SV2B: variants seen among roughly 807,000 people sequenced by gnomAD.
The protein encoded by SV2B is solute carrier family 22 member B2.
SV2B carries 41 observed loss-of-function variants against 73.9 expected under a neutral mutation model. The observed-to-expected ratio is 0.56, with a 90% confidence interval of 0.43 to 0.72. The LOEUF (loss-of-function observed/expected upper bound fraction) is 0.72, where lower values mean the gene tolerates loss of function less well. Ranked by LOEUF, SV2B falls within the 30% of genes least tolerant of loss-of-function variation. The probability of loss-of-function intolerance (pLI) is 0.00; values close to 1 mark genes in which losing one functional copy is unlikely to be tolerated. For synonymous variants in SV2B, 314 were observed against 314.2 expected, an observed-to-expected ratio of 1.00 and a Z score of 0.01; for missense variants, 764 against 857.8, an observed-to-expected ratio of 0.89 and a Z score of 1.37.
chr15:91,259,855 T>C (rs1422510309), intron 5 of SV2B, among the ~76,000 whole-genome samples: 1 of 152,142 alleles, frequency 6.6e-6, no homozygotes, highest in Non-Finnish European at 1.5e-5. Flanking sequence ...GTCGTAATCT[T>C]AATTTAGCTA....
chr15:91,283,418 T>G lies in SV2B; in HGVS notation c.1508-603T>G, dbSNP rs997519829. ...GTCACCTGATTGGTACAAACAGGACTGTTATCCAGCTGGAGAGATGATTTT... is the reference window on the plus strand; with the variant it reads ...GTCACCTGATTGGTACAAACAGGACGGTTATCCAGCTGGAGAGATGATTTT... On this transcript the variant is annotated intron_variant, in intron 10 of 12. Transcript: ENST00000394232. This position sits in a 1 kb window ranked among gnomAD's most constrained non-coding sequence, Gnocchi z 4.3. 6.6e-6 allele frequency among the ~76,000 whole-genome samples: 1 copy of G among 151,784 alleles called. No homozygotes were observed. The highest frequency in any genetic ancestry group is 2.4e-5 in the African/African-American group (1 of 41,220).
chr15:91,230,555 A>G (rs1252301590), intron 2 of SV2B, among the ~76,000 whole-genome samples: 1 of 152,198 alleles, frequency 6.6e-6, no homozygotes, highest in Non-Finnish European at 1.5e-5. Flanking sequence ...ATCTTCATCT[A>G]GAACTGTCTC....
intron 1 of SV2B, among the ~76,000 whole-genome samples, chr15:91,212,775 G>A (rs935183494): frequency 2.3e-4 from 35 of 151,758 alleles, no homozygotes; most frequent in African/African-American, 8.5e-4. Context: ...GAAACACAGT[G>A]AGACCCTGTC....
At position 91,115,889 on chromosome 15, in the gene SV2B, C is replaced by T. The variant is rs758386032; in HGVS notation, c.-392+15526C>T. On this transcript the variant is annotated intron_variant, in intron 1 of 12. Transcript: ENST00000394232. The surrounding 1 kb of genome is among the most constrained non-coding windows in gnomAD (Gnocchi z 4.3). ...CAGAGTTAATGATAGGTAAGGAAAA[C>T]GTGATCTCTGCCCTCAGGGTGTATA... Among the ~76,000 whole-genome samples, 4 of 152,116 alleles carry T rather than the reference C, an allele frequency of 2.6e-5. No homozygotes were observed. Among genetic ancestry groups the T allele is most frequent in the Non-Finnish European group, 4.4e-5 (3 of 68,018 alleles).
chr15:91,297,440 C>A lies in SV2B; in HGVS notation c.*4888C>A, dbSNP rs1467173949. 6.6e-6 allele frequency: 1 copy of A among 152,220 alleles called. No homozygotes were observed. The highest frequency in any genetic ancestry group is 6.5e-5 in the Admixed American group (1 of 15,286). The allele number at this position is 152,220 out of a possible 1,614,324, so 9.4% of individuals were successfully genotyped here. A position where few individuals can be genotyped will look rare whatever the true frequency, so the allele number is the denominator to read the frequency against. On this transcript the variant is annotated 3_prime_UTR_variant, in exon 13 of 13. Transcript: ENST00000394232. The surrounding 1 kb of genome is among the most constrained non-coding windows in gnomAD (Gnocchi z 5.1). ...TGGATTAGTGCTTCTTAAACTTTTG[C>A]GTGCATCAGAATCACCCAGAAAGAT...
chr15:91,275,873 T>G (rs969807280), intron 9 of SV2B, among the ~76,000 whole-genome samples: 11 of 152,208 alleles, frequency 7.2e-5, no homozygotes, highest in African/African-American at 2.7e-4. Flanking sequence ...GATCTTCATT[T>G]CTTTGTGAAC....
rs2141798253 is a variant in SV2B, at chr15:91,288,760, C to T, written c.1709-761C>T. ...TGGCGCCATCTCGGCTCACTGCAACCTCTGCCTCCCAGCTTCAAATAATTC... is the reference window on the plus strand; with the variant it reads ...TGGCGCCATCTCGGCTCACTGCAACTTCTGCCTCCCAGCTTCAAATAATTC... On this transcript the variant is annotated intron_variant, in intron 11 of 12. Coordinates refer to ENST00000394232, the MANE Select transcript of SV2B (RefSeq NM_001323032.3). This position sits in a 1 kb window ranked among gnomAD's most constrained non-coding sequence, Gnocchi z 5.8. Among the ~76,000 whole-genome samples the T allele has an allele frequency of 6.6e-6, 1 of 152,254 alleles. No individual in the cohort carries two copies. Among genetic ancestry groups the T allele is most frequent in the South Asian group, 2.1e-4 (1 of 4,824 alleles).
intron 1 of SV2B, among the ~76,000 whole-genome samples, chr15:91,178,626 T>C (rs1056535899): frequency 6.6e-6 from 1 of 151,926 alleles, no homozygotes; most frequent in Non-Finnish European, 1.5e-5. Flanking sequence ...CTTGGGAGAG[T>C]GTGTGTGTCG....
At chr15:91,180,075 T>G (rs538371677) in intron 1 of SV2B, among the ~76,000 whole-genome samples, 1 of 152,154 alleles carries the variant, frequency 6.6e-6, no homozygotes, top group Non-Finnish European at 1.5e-5. Flanking sequence ...GGAGCTCTTT[T>G]AGGGCAGGCC....
At chr15:91,233,995 C>A (rs6496776) in intron 2 of SV2B, among the ~76,000 whole-genome samples, 56,998 of 152,086 alleles carry the variant, frequency 0.37, 14,751 homozygotes, top group African/African-American at 0.74. Context: ...GGTCAGGCTA[C>A]ATTTATTGAT....
intron 9 of SV2B, among the ~76,000 whole-genome samples, chr15:91,269,548 G>T (rs6496781): frequency 6.6e-6 from 1 of 151,644 alleles, no homozygotes; most frequent in Non-Finnish European, 1.5e-5. Context: ...GGTGAATGTT[G>T]TATCTCCCTC....
rs1464898024 is a variant in SV2B, at chr15:91,265,842, G to T, written c.1009-740G>T. On this transcript the variant is annotated intron_variant, in intron 6 of 12. Coordinates refer to ENST00000394232, the MANE Select transcript of SV2B (RefSeq NM_001323032.3). This position sits in a 1 kb window ranked among gnomAD's most constrained non-coding sequence, Gnocchi z 4.2. ...AGCAGATTCTCAAATTCTCCCAAAA[G>T]CTTAAGAACCACTGTTTTGGCTGGG... 6.6e-6 allele frequency among the ~76,000 whole-genome samples: 1 copy of T among 152,192 alleles called. No homozygotes were observed. The highest frequency in any genetic ancestry group is 2.4e-5 in the African/African-American group (1 of 41,446).
chr15:91,212,860 G>A (rs2045912284), intron 1 of SV2B, among the ~76,000 whole-genome samples: 1 of 151,960 alleles, frequency 6.6e-6, no homozygotes, highest in South Asian at 2.1e-4. Flanking sequence ...AAAAAGAGAA[G>A]CTGAGCACGG....
At chr15:91,154,083 A>C (rs1223232525) in intron 1 of SV2B, among the ~76,000 whole-genome samples, 1 of 148,904 alleles carries the variant, frequency 6.7e-6, no homozygotes, top group Non-Finnish European at 1.5e-5. Flanking sequence ...ATTATTTTAT[A>C]GTATAAATGT....
At chr15:91,275,065 T>G (rs1378627767) in intron 9 of SV2B, among the ~76,000 whole-genome samples, 1 of 152,168 alleles carries the variant, frequency 6.6e-6, no homozygotes, top group African/African-American at 2.4e-5. Flanking sequence ...TAGGTCTTCC[T>G]TTCTCCACCT....
At chr15:91,278,334 C>T (rs995053946) in intron 9 of SV2B, among the ~76,000 whole-genome samples, 1 of 151,974 alleles carries the variant, frequency 6.6e-6, no homozygotes, top group African/African-American at 2.4e-5. Flanking sequence ...AAGTTAGACT[C>T]TTCATTTTTT....
At chr15:91,125,937 A>G (rs548001880) in intron 1 of SV2B, among the ~76,000 whole-genome samples, 14 of 151,890 alleles carry the variant, frequency 9.2e-5, no homozygotes, top group East Asian at 7.7e-4. Context: ...GGTGGTGGTG[A>G]TGATGATGAT....
rs1179782600 is a variant in SV2B, at chr15:91,300,462, A to G, written c.*7910A>G. 1 of 152,222 alleles carries G rather than the reference A, an allele frequency of 6.6e-6. No individual in the cohort carries two copies. The highest frequency in any genetic ancestry group is 1.5e-5 in the Non-Finnish European group (1 of 68,044). 9.4% of individuals were successfully genotyped at this position (152,222 alleles called of 1,614,324 possible). A position where few individuals can be genotyped will look rare whatever the true frequency, so the allele number is the denominator to read the frequency against. ...TTTCCATAGTCATTCATACTTGTGA[A>G]TCTTCTTCCTCTTCTACTTCAAAGT... On this transcript the variant is annotated 3_prime_UTR_variant, in exon 13 of 13. Transcript: ENST00000394232.
chr15:91,131,118 G>GGGGA (rs1483105828), intron 1 of SV2B, among the ~76,000 whole-genome samples: 4 of 151,332 alleles, frequency 2.6e-5, no homozygotes, highest in African/African-American at 9.7e-5. Context: ...TTGGAGATGG[G>GGGGA]GGGAGATTCA....
Sources: allele counts gnomAD v4.1 joint callset (sites outside exome capture counted in the v4.1 genomes callset), GRCh38; gene constraint gnomAD v4.1.1; non-coding constraint Gnocchi (gnomAD v3.1); transcripts MANE v1.5; gene names NCBI Gene and HGNC (gene_info 2026-07-23, HGNC 2026-07-21).